The following ZNF407 variants were observed in gnomAD, a reference collection of about 807,000 sequenced individuals.
ZNF407 encodes zinc finger protein 407.
Under a neutral mutation model 131.2 loss-of-function variants are expected in ZNF407, and 17 were observed. The ratio of observed to expected loss-of-function variants is 0.13; its 90% confidence interval spans 0.09 to 0.19. The LOEUF (loss-of-function observed/expected upper bound fraction) is 0.19, where lower values mean the gene tolerates loss of function less well. ZNF407 is among the 10% of genes least tolerant of loss of function. The pLI, the probability that ZNF407 is intolerant of heterozygous loss-of-function variation, is 1.00. For synonymous variants in ZNF407, 1,156 were observed against 1,062.0 expected (o/e 1.09, Z -1.72); for missense variants, 2,681 against 2,830.6 (o/e 0.95, Z 1.20).
At chr18:74,912,927 G>A (rs1971694281) in intron 7 of ZNF407, among the ~76,000 whole-genome samples, 1 of 152,156 alleles carries the variant, frequency 6.6e-6, no homozygotes, top group South Asian at 2.1e-4. Flanking sequence ...AATATACATT[G>A]CTTTTCAGTA....
At chr18:74,927,085 T>C (rs1971923784) in intron 8 of ZNF407, among the ~76,000 whole-genome samples, 1 of 152,226 alleles carries the variant, frequency 6.6e-6, no homozygotes, top group Non-Finnish European at 1.5e-5. Context: ...TTTTACCTTT[T>C]CAATTACAAA....
At chr18:74,850,297 T>C (rs1223938470) in intron 4 of ZNF407, among the ~76,000 whole-genome samples, 1 of 148,692 alleles carries the variant, frequency 6.7e-6, no homozygotes, top group African/African-American at 2.4e-5. Flanking sequence ...TAGATTTCTT[T>C]GTTGCCCAAT....
chr18:74,891,276 G>A (rs1381563754), intron 7 of ZNF407, among the ~76,000 whole-genome samples: 2 of 152,118 alleles, frequency 1.3e-5, no homozygotes, highest in Admixed American at 1.3e-4. Context: ...TCAAGGGTGA[G>A]AGCCTTCCTT....
At chr18:74,893,392 A>G (rs1240979441) in intron 7 of ZNF407, among the ~76,000 whole-genome samples, 1 of 152,182 alleles carries the variant, frequency 6.6e-6, no homozygotes, top group African/African-American at 2.4e-5. Flanking sequence ...TGTTCCTGGG[A>G]CAGCTTCACC....
At chr18:74,803,317 G>A (rs1443390899) in intron 4 of ZNF407, among the ~76,000 whole-genome samples, 1 of 152,150 alleles carries the variant, frequency 6.6e-6, no homozygotes, top group Non-Finnish European at 1.5e-5. Context: ...TCCCTAATGG[G>A]GATACCCCGT....
At chr18:74,847,656 A>T (rs1440911762) in intron 4 of ZNF407, among the ~76,000 whole-genome samples, 2 of 152,146 alleles carry the variant, frequency 1.3e-5, no homozygotes, top group Non-Finnish European at 2.9e-5. Context: ...CAGCTTTGTC[A>T]TATGGTTAAT....
At chr18:74,707,008 G>A (rs1378342014) in intron 3 of ZNF407, among the ~76,000 whole-genome samples, 17 of 147,804 alleles carry the variant, frequency 1.2e-4, no homozygotes, top group Non-Finnish European at 2.2e-4. Context: ...CTGGAGTGCC[G>A]TGGTGCCATC....
At chr18:74,995,071 AAC>A (rs1972764605) in intron 8 of ZNF407, among the ~76,000 whole-genome samples, 1 of 152,142 alleles carries the variant, frequency 6.6e-6, no homozygotes, top group Admixed American at 6.5e-5. Context: ...TGTGTGAAAA[AAC>A]AGTTTGACAC....
intron 8 of ZNF407, among the ~76,000 whole-genome samples, chr18:74,959,233 C>T (rs563280085): frequency 2.0e-5 from 3 of 152,246 alleles, no homozygotes; most frequent in South Asian, 4.1e-4. Flanking sequence ...TGTTCAAGAT[C>T]GCAATACTTC....
At chr18:74,710,922 C>G (rs1233684632) in intron 3 of ZNF407, among the ~76,000 whole-genome samples, 1 of 152,170 alleles carries the variant, frequency 6.6e-6, no homozygotes, top group Non-Finnish European at 1.5e-5. Context: ...AGCTATTTCT[C>G]TAATGTCCTG....
chr18:74,637,376 A>C (rs1423805414), intron 2 of ZNF407, among the ~76,000 whole-genome samples: 1 of 152,216 alleles, frequency 6.6e-6, no homozygotes, highest in African/African-American at 2.4e-5. Context: ...TATATGTATT[A>C]ATTGCATTTA....
intron 3 of ZNF407, among the ~76,000 whole-genome samples, chr18:74,752,641 C>G (rs1968833203): frequency 6.6e-6 from 1 of 152,146 alleles, no homozygotes; most frequent in Non-Finnish European, 1.5e-5. Context: ...AATCTTTTCC[C>G]CATTTCTCGT....
intron 8 of ZNF407, among the ~76,000 whole-genome samples, chr18:75,036,895 G>C (rs1232043507): frequency 2.0e-5 from 3 of 152,182 alleles, no homozygotes; most frequent in Non-Finnish European, 2.9e-5. Flanking sequence ...CCACTCTTTT[G>C]GGGTTGCTGC....
intron 4 of ZNF407, among the ~76,000 whole-genome samples, chr18:74,786,806 T>G (rs1313460448): frequency 2.2e-5 from 3 of 135,594 alleles, no homozygotes; most frequent in African/African-American, 8.3e-5. Flanking sequence ...TTTTTTTTTT[T>G]TTTTTTTTTT....
chr18:74,898,798 G>A (rs900695362), intron 7 of ZNF407, among the ~76,000 whole-genome samples: 1 of 152,104 alleles, frequency 6.6e-6, no homozygotes, highest in Non-Finnish European at 1.5e-5. Flanking sequence ...CATAAAACAA[G>A]ACTTTTTTCC....
At chr18:74,961,683 G>T (rs1384872912) in intron 8 of ZNF407, among the ~76,000 whole-genome samples, 1 of 151,156 alleles carries the variant, frequency 6.6e-6, no homozygotes, top group African/African-American at 2.4e-5. Context: ...TCAAGCCATT[G>T]CATTCCAGCC....
chr18:74,969,589 G>A (rs1354691153), intron 8 of ZNF407, among the ~76,000 whole-genome samples: 1 of 152,186 alleles, frequency 6.6e-6, no homozygotes, highest in African/African-American at 2.4e-5. Context: ...TCCCTGGCCA[G>A]GTCACCAGGT....
intron 4 of ZNF407, among the ~76,000 whole-genome samples, chr18:74,863,663 G>A (rs74363734): frequency 0.014 from 2,058 of 152,196 alleles, 43 homozygotes; most frequent in African/African-American, 0.046. Flanking sequence ...AGACTGCAGC[G>A]AATTAAAGGA....
chr18:74,870,720 T>C (rs1379708286), intron 4 of ZNF407, among the ~76,000 whole-genome samples: 1 of 152,224 alleles, frequency 6.6e-6, no homozygotes, highest in Non-Finnish European at 1.5e-5. Context: ...TGGTCAAAGA[T>C]GACTGTGGTC....
Sources: gnomAD v4.1 joint callset for allele counts (sites outside exome capture counted in the v4.1 genomes callset) on GRCh38, gnomAD v4.1.1 for gene constraint, MANE v1.5 for transcripts, NCBI Gene and HGNC (gene_info 2026-07-23, HGNC 2026-07-21) for gene names.